Variants in TECTB observed in about 807,000 individuals in gnomAD.
TECTB encodes beta-tectorin.
In TECTB, 45 loss-of-function variants were observed where a neutral mutation model predicts 43.3. The ratio of observed to expected loss-of-function variants is 1.04; its 90% CI spans 0.82 to 1.33. The LOEUF (loss-of-function observed/expected upper bound fraction) is 1.33, where lower values mean the gene tolerates loss of function less well. TECTB is among the 40% of genes most tolerant of loss of function. TECTB has a pLI of 0.00. For synonymous variants in TECTB, 169 were observed against 156.7 expected (o/e 1.08, Z -0.59); for missense variants, 399 against 404.7 (o/e 0.99, Z 0.12).
At chr10:112,298,672 C>T (rs1416440048) in intron 8 of TECTB, among the ~76,000 whole-genome samples, 1 of 152,120 alleles carries the variant, frequency 6.6e-6, no homozygotes, top group Non-Finnish European at 1.5e-5. Flanking sequence ...CTGAACAGCC[C>T]GAGGGTTCAC....
intron 8 of TECTB, among the ~76,000 whole-genome samples, chr10:112,298,740 G>T (rs934445410): frequency 4.6e-5 from 7 of 152,316 alleles, no homozygotes; most frequent in Non-Finnish European, 8.8e-5. Context: ...TGGCTGATTT[G>T]ACCACGTGAG....
chr10:112,286,592 AGAAGAGCT>A (rs1465407173), intron 5 of TECTB, among the ~76,000 whole-genome samples: 1 of 152,202 alleles, frequency 6.6e-6, no homozygotes, highest in Non-Finnish European at 1.5e-5. Context: ...TAGACTGGAT[AGAAGAGCT>A]GAAAGGTATA....
At position 112,298,054 on chromosome 10, in the gene TECTB, C is replaced by G. The variant is rs1200645039; in HGVS notation, c.672-15C>G. 1 of 1,614,038 alleles carries G rather than the reference C, an allele frequency of 6.2e-7. No individual in the cohort carries two copies. Among genetic ancestry groups the G allele is most frequent in the East Asian group, 2.2e-5 (1 of 44,888 alleles). ...AGGAGATGACAGTTCACTCTTCTTT[C>G]CCCATCTGCCTCAGCTGCCCCACGG... On this transcript the variant is annotated splice_polypyrimidine_tract_variant and intron_variant, in intron 7 of 10. Transcript: ENST00000646139.
Position 112,303,413 on chromosome 10 carries a change from T to G in TECTB, c.*101T>G, listed in dbSNP as rs1848629344. On this transcript the variant is annotated 3_prime_UTR_variant, in exon 11 of 11. Transcript: ENST00000646139. ...AAAAAGAACAAACAGAAGACCACATTGTTGGGGGGCAGAGAATAGCACTTT... is the reference window on the plus strand; with the variant it reads ...AAAAAGAACAAACAGAAGACCACATGGTTGGGGGGCAGAGAATAGCACTTT... 6.9e-7 allele frequency: 1 copy of G among 1,454,344 alleles called. No individual in the cohort carries two copies. Among genetic ancestry groups the G allele is most frequent in the East Asian group, 2.3e-5 (1 of 43,920 alleles). The allele number at this position is 1,454,344 out of a possible 1,614,324, so 90.1% of individuals were successfully genotyped here.
rs1397176782 is a variant in TECTB at position 112,303,988 on chromosome 10, T to G, written c.*676T>G. 6.6e-6 allele frequency: 1 copy of G among 152,246 alleles called. No individual in the cohort carries two copies. Among genetic ancestry groups the G allele is most frequent in the Non-Finnish European group, 1.5e-5 (1 of 68,046 alleles). The allele number at this position is 152,246 out of a possible 1,614,324, so 9.4% of individuals were successfully genotyped here. A position where few individuals can be genotyped will look rare whatever the true frequency, so the allele number is the denominator to read the frequency against. ...TATAGGTAGAAACTCCTTGTTTTTA[T>G]AGCAGATGTATACTTCTAAAGTCAA... is the stretch of plus-strand genomic sequence containing the variant. On this transcript the variant is annotated 3_prime_UTR_variant, in exon 11 of 11. Transcript: ENST00000646139.
At chr10:112,299,416 T>C (rs1848576504) in intron 8 of TECTB, 76 bp from the exon 9 acceptor site, 2 of 1,409,754 alleles carry the variant, frequency 1.4e-6, no homozygotes, top group Admixed American at 1.8e-5. Context: ...TATCTTTTCT[T>C]TCTCTTTTCT....
At chr10:112,301,708 G>A (rs1198047598) in intron 9 of TECTB, among the ~76,000 whole-genome samples, 1 of 152,068 alleles carries the variant, frequency 6.6e-6, no homozygotes, top group Admixed American at 6.6e-5. Context: ...GTTTAATCAG[G>A]GGAGGATTGT....
intron 5 of TECTB, among the ~76,000 whole-genome samples, chr10:112,290,278 T>A (rs1436948432): frequency 1.3e-5 from 2 of 152,184 alleles, no homozygotes; most frequent in South Asian, 4.1e-4. Context: ...TAGGGTTTGG[T>A]ACTATCTGCA....
chr10:112,289,483 C>T (rs900143639), intron 5 of TECTB, among the ~76,000 whole-genome samples: 3 of 152,300 alleles, frequency 2.0e-5, no homozygotes, highest in Admixed American at 2.0e-4. Context: ...GGCCTCCCTG[C>T]CTCTTCCAAA....
At position 112,303,675 on chromosome 10, in the gene TECTB, G is replaced by C. The variant is rs73361320; in HGVS notation, c.*363G>C. 1,791 of 228,096 alleles carry C rather than the reference G, an allele frequency of 7.9e-3. 37 individuals are homozygous for C. Among genetic ancestry groups the C allele is most frequent in the African/African-American group, 0.037 (1,685 of 45,174 alleles). The allele number at this position is 228,096 out of a possible 1,614,324, so 14.1% of individuals were successfully genotyped here. On this transcript the variant is annotated 3_prime_UTR_variant, in exon 11 of 11. Transcript: ENST00000646139. ...CTGAGCATTTTGAAGAGAATGTAGG[G>C]TGCAACTACAAAGTCAACACTAAAT... is the stretch of plus-strand genomic sequence containing the variant.
At position 112,299,571 on chromosome 10, in the gene TECTB, G is replaced by A. The variant is rs761769583; in HGVS notation, c.907+7G>A. On this transcript the variant is annotated splice_region_variant and intron_variant, in intron 9 of 10. Coordinates refer to ENST00000646139, the MANE Select transcript of TECTB (RefSeq NM_058222.3). ...GTGGAGCTCTCCCTGCGGAGTAAGC[G>A]TCTCTGTTTTCCTCTGTTTTCCAAA... is the stretch of plus-strand genomic sequence containing the variant. The A allele has an allele frequency of 6.5e-5, 101 of 1,555,296 alleles. No individual in the cohort carries two copies. Among genetic ancestry groups the A allele is most frequent in the South Asian group, 2.4e-4 (21 of 88,890 alleles).
intron 5 of TECTB, among the ~76,000 whole-genome samples, chr10:112,289,861 G>T (rs1848483426): frequency 6.6e-6 from 1 of 152,142 alleles, no homozygotes; most frequent in Non-Finnish European, 1.5e-5. Context: ...CTTTAGGGCA[G>T]TTTTTTTCAC....
At chr10:112,302,023 G>A (rs1848616406) in intron 9 of TECTB, 78 bp from the exon 10 acceptor site, 1 of 1,561,628 alleles carries the variant, frequency 6.4e-7, no homozygotes. Flanking sequence ...GTTTTGTGTT[G>A]TAGAAACATC....
intron 9 of TECTB, among the ~76,000 whole-genome samples, chr10:112,300,349 G>A (rs112351300): frequency 3.9e-4 from 32 of 81,948 alleles, no homozygotes; most frequent in East Asian, 1.4e-3. Flanking sequence ...AAAGAAAGAA[G>A]GAAGGAAGGA....
intron 10 of TECTB, 45 bp from the exon 11 acceptor site, chr10:112,303,218 T>C: frequency 6.2e-7 from 1 of 1,612,188 alleles, no homozygotes; most frequent in Non-Finnish European, 8.5e-7. Flanking sequence ...TTTACCCTTG[T>C]AGAACTGTCT....
intron 9 of TECTB, among the ~76,000 whole-genome samples, chr10:112,300,279 A>AAAGG (rs1361291056): frequency 4.1e-5 from 2 of 48,360 alleles, no homozygotes; most frequent in Non-Finnish European, 7.9e-5. Flanking sequence ...AGAAAGAAAG[A>AAAGG]AAAGAAAGAA....
chr10:112,288,476 CT>C (rs1209488507), intron 5 of TECTB, among the ~76,000 whole-genome samples: 1 of 152,202 alleles, frequency 6.6e-6, no homozygotes, highest in Non-Finnish European at 1.5e-5. Context: ...CCACCAAGAC[CT>C]TTCCAGGACA....
intron 9 of TECTB, among the ~76,000 whole-genome samples, chr10:112,301,704 T>C (rs1251938989): frequency 6.6e-6 from 1 of 152,204 alleles, no homozygotes; most frequent in Non-Finnish European, 1.5e-5. Flanking sequence ...GATGGTTTAA[T>C]CAGGGGAGGA....
chr10:112,286,757 T>C (rs1848457973), intron 5 of TECTB, among the ~76,000 whole-genome samples: 1 of 151,778 alleles, frequency 6.6e-6, no homozygotes. Context: ...TCGTCTCCAC[T>C]AAAAAAATAC....
Sources: gnomAD v4.1 joint callset for allele counts (sites outside exome capture counted in the v4.1 genomes callset) on GRCh38, gnomAD v4.1.1 for gene constraint, MANE v1.5 for transcripts, NCBI Gene and HGNC (gene_info 2026-07-23, HGNC 2026-07-21) for gene names.